Variants in JAKMIP2 observed in about 807,000 individuals in gnomAD.
JAKMIP2 encodes janus kinase and microtubule-interacting protein 2.
In JAKMIP2, 25 loss-of-function variants were observed where a neutral mutation model predicts 115.0. That is an observed-to-expected ratio of 0.22 (90% CI 0.16 to 0.30). The LOEUF is 0.30. Among genes scored for constraint, JAKMIP2 ranks in the 10% least tolerant of loss-of-function variants. JAKMIP2 has a pLI of 1.00. For synonymous variants in JAKMIP2, 334 were observed against 343.6 expected (o/e 0.97, Z 0.31); for missense variants, 642 against 957.6 (o/e 0.67, Z 4.35).
In JAKMIP2 at chr5:147,702,689, A is replaced by AGAAAG. The variant is rs199842268; in HGVS notation, c.-148-30736_-148-30735insCTTTC. ...GAGAGAGAAAGAAAGAGAAAGAAAG[A>AGAAAG]AAAGAAAAGAAAAGAAAAAAAAAGA... is the stretch of plus-strand genomic sequence containing the variant. On this transcript the variant is annotated intron_variant, in intron 1 of 21. Coordinates refer to ENST00000616793, the MANE Select transcript of JAKMIP2 (RefSeq NM_001270941.2). 6.3e-3 allele frequency among the ~76,000 whole-genome samples: 877 copies of AGAAAG among 139,066 alleles called. 20 individuals are homozygous for AGAAAG. The highest frequency in any genetic ancestry group is 0.015 in the African/African-American group (518 of 34,076). 91.2% of individuals were successfully genotyped at this position (139,066 alleles called of 152,430 possible).
chr5:147,705,329 A>G (rs1245983527), intron 1 of JAKMIP2, among the ~76,000 whole-genome samples: 5 of 152,148 alleles, frequency 3.3e-5, no homozygotes, highest in Non-Finnish European at 7.4e-5. Flanking sequence ...AAGGCCGGGT[A>G]TGGTGGCTTA....
At chr5:147,770,499 T>C (rs1251736848) in intron 1 of JAKMIP2, among the ~76,000 whole-genome samples, 1 of 152,142 alleles carries the variant, frequency 6.6e-6, no homozygotes, top group Non-Finnish European at 1.5e-5. Flanking sequence ...CCTATTCTTG[T>C]TATAATTCCT....
intron 1 of JAKMIP2, among the ~76,000 whole-genome samples, chr5:147,723,403 TTAACACAA>T: frequency 6.6e-6 from 1 of 152,232 alleles, no homozygotes; most frequent in East Asian, 1.9e-4. Context: ...GGGGGAAAGT[TTAACACAA>T]TGACTTTGTA....
chr5:147,690,404 A>T (rs1185003800), intron 1 of JAKMIP2, among the ~76,000 whole-genome samples: 1 of 151,734 alleles, frequency 6.6e-6, no homozygotes, highest in Non-Finnish European at 1.5e-5. Context: ...TCTATAAATT[A>T]CTATGCAATA....
chr5:147,712,447 T>C (rs544626283), intron 1 of JAKMIP2, among the ~76,000 whole-genome samples: 5 of 152,296 alleles, frequency 3.3e-5, no homozygotes, highest in Admixed American at 2.6e-4. Context: ...GTAAAATTTA[T>C]TTTGGTGTGA....
chr5:147,642,280 C>A (rs529914188), intron 7 of JAKMIP2, among the ~76,000 whole-genome samples: 4 of 152,090 alleles, frequency 2.6e-5, no homozygotes, highest in South Asian at 2.1e-4. Flanking sequence ...CGGGTTGGAG[C>A]CATTTAGTGT....
rs371435218 is a variant in JAKMIP2, at chr5:147,721,670, C to T, written c.-148-49716G>A. ...GGAAAGGGAACTCCCTGACCCCTTG[C>T]GCTTCCCAAGTGAGGCAATGCCTCT... On this transcript the variant is annotated intron_variant, in intron 1 of 21. Transcript: ENST00000616793. Among the ~76,000 whole-genome samples the T allele has an allele frequency of 2.4e-4, 36 of 152,300 alleles. No individual in the cohort carries two copies. The East Asian group carries it at 2.9e-3, about 12-fold the overall frequency.
rs573406941 is a variant in JAKMIP2 at position 147,626,139 on chromosome 5, A to C, written c.1996-2450T>G. Among the ~76,000 whole-genome samples, 3 of 152,302 alleles carry C rather than the reference A, an allele frequency of 2.0e-5. No individual in the cohort carries two copies. In the South Asian group the frequency reaches 6.2e-4, roughly 32 times the overall value. Reference sequence around the variant, plus strand: ...ATTGTTGTTGTTTAGAATTACTTGGATGTAGAAACTTTTATCTGTGAATCC... The same window carrying C: ...ATTGTTGTTGTTTAGAATTACTTGGCTGTAGAAACTTTTATCTGTGAATCC... On this transcript the variant is annotated intron_variant, in intron 16 of 21. Coordinates refer to ENST00000616793, the MANE Select transcript of JAKMIP2 (RefSeq NM_001270941.2).
At position 147,716,796 on chromosome 5, in the gene JAKMIP2, G is replaced by T. The variant is rs1489169115; in HGVS notation, c.-148-44842C>A. Among the ~76,000 whole-genome samples the T allele has an allele frequency of 2.7e-5, 4 of 147,624 alleles. No individual in the cohort carries two copies. The South Asian group carries it at 6.6e-4, about 25-fold the overall frequency. On this transcript the variant is annotated intron_variant, in intron 1 of 21. Transcript: ENST00000616793. Reference sequence around the variant, plus strand: ...AAAATTTTCTCCCATTTTGTAGGTTGCCTGTTCACTCTGATGGTAGTTTCT... The same window carrying T: ...AAAATTTTCTCCCATTTTGTAGGTTTCCTGTTCACTCTGATGGTAGTTTCT...
At chr5:147,651,196 G>T (rs1271710724) in intron 3 of JAKMIP2, among the ~76,000 whole-genome samples, 1 of 137,812 alleles carries the variant, frequency 7.3e-6, no homozygotes, top group Non-Finnish European at 1.7e-5. Flanking sequence ...TCATGGTTGG[G>T]ATTAACAGGA....
At chr5:147,711,574 T>C (rs1752783380) in intron 1 of JAKMIP2, among the ~76,000 whole-genome samples, 1 of 152,246 alleles carries the variant, frequency 6.6e-6, no homozygotes, top group Non-Finnish European at 1.5e-5. Flanking sequence ...TCCTCATCGA[T>C]AAAAACAGAA....
intron 1 of JAKMIP2, among the ~76,000 whole-genome samples, chr5:147,733,538 A>G (rs984990323): frequency 1.3e-5 from 2 of 152,166 alleles, no homozygotes; most frequent in African/African-American, 4.8e-5. Flanking sequence ...ACAGGTATAC[A>G]TGTGCCATGA....
At chr5:147,688,080 T>A (rs1429034524) in intron 1 of JAKMIP2, among the ~76,000 whole-genome samples, 1 of 152,190 alleles carries the variant, frequency 6.6e-6, no homozygotes. Context: ...AACACAACAC[T>A]CTTTTTCATA....
chr5:147,755,284 A>G (rs767675258), intron 1 of JAKMIP2, among the ~76,000 whole-genome samples: 14 of 152,132 alleles, frequency 9.2e-5, no homozygotes, highest in Non-Finnish European at 1.6e-4. Context: ...GGACTGAACC[A>G]ATGTATATCT....
At chr5:147,705,902 G>A (rs915915451) in intron 1 of JAKMIP2, among the ~76,000 whole-genome samples, 1 of 152,220 alleles carries the variant, frequency 6.6e-6, no homozygotes. Flanking sequence ...CTGTGTTGTA[G>A]TGGGAGTATA....
At chr5:147,755,882 T>A (rs1260626219) in intron 1 of JAKMIP2, among the ~76,000 whole-genome samples, 1 of 152,140 alleles carries the variant, frequency 6.6e-6, no homozygotes, top group Non-Finnish European at 1.5e-5. Context: ...GAGCATTCCA[T>A]GATACTAGGA....
chr5:147,632,522 A>C (rs899684285), intron 13 of JAKMIP2, among the ~76,000 whole-genome samples, 158 bp downstream of exon 13: 3 of 152,206 alleles, frequency 2.0e-5, no homozygotes, highest in African/African-American at 7.2e-5. Context: ...CAAGTTAGTT[A>C]ATCTCAGTTG....
At chr5:147,604,018 G>C (rs1257874058) in intron 20 of JAKMIP2, among the ~76,000 whole-genome samples, 1 of 152,118 alleles carries the variant, frequency 6.6e-6, no homozygotes, top group African/African-American at 2.4e-5. Flanking sequence ...CCTTGAGCCA[G>C]CCCTAGGGTA....
chr5:147,653,603 G>A (rs1426185593), intron 3 of JAKMIP2, among the ~76,000 whole-genome samples: 1 of 151,890 alleles, frequency 6.6e-6, no homozygotes. Flanking sequence ...TATAGATTCT[G>A]GATATTACAC....
Sources: allele counts gnomAD v4.1 joint callset (sites outside exome capture counted in the v4.1 genomes callset), GRCh38; gene constraint gnomAD v4.1.1; transcripts MANE v1.5; gene names NCBI Gene and HGNC (gene_info 2026-07-23, HGNC 2026-07-21).